The following SH3GL2 variants were observed in gnomAD, a reference collection of about 807,000 sequenced individuals.
The protein encoded by SH3GL2 is SH3 domain containing GRB2 like 2, endophilin A1.
Under a neutral mutation model 46.0 loss-of-function variants are expected in SH3GL2, and 24 were observed. The observed-to-expected ratio is 0.52, with a 90% CI of 0.38 to 0.73. SH3GL2 has a LOEUF of 0.73. Among genes scored for constraint, SH3GL2 ranks in the 30% least tolerant of loss-of-function variants. The pLI is 0.00. For missense variants in SH3GL2, 413 were observed against 424.2 expected (o/e 0.97, Z 0.23); for synonymous variants, 196 against 147.1 (o/e 1.33, Z -2.40).
intron 1 of SH3GL2, among the ~76,000 whole-genome samples, chr9:17,715,632 C>G (rs1480036754): frequency 6.6e-6 from 1 of 151,904 alleles, no homozygotes; most frequent in Non-Finnish European, 1.5e-5. Context: ...TTATCTCAGA[C>G]ATTGTATTTT....
intron 1 of SH3GL2, among the ~76,000 whole-genome samples, chr9:17,642,204 C>T (rs1463499923): frequency 1.3e-5 from 2 of 152,022 alleles, no homozygotes; most frequent in African/African-American, 2.4e-5. Flanking sequence ...TTCTATGGGG[C>T]TGTTTGTTTT....
chr9:17,665,629 G>A (rs530229202), intron 1 of SH3GL2, among the ~76,000 whole-genome samples: 6 of 151,926 alleles, frequency 3.9e-5, no homozygotes, highest in South Asian at 4.2e-4. Flanking sequence ...TAAGAGCCCC[G>A]TCAGCTTAAA....
At chr9:17,619,904 T>G (rs951149673) in intron 1 of SH3GL2, among the ~76,000 whole-genome samples, 1 of 152,142 alleles carries the variant, frequency 6.6e-6, no homozygotes, top group African/African-American at 2.4e-5. Context: ...TATTCTCTCA[T>G]TAGAATTCAT....
chr9:17,777,283 G>A (rs1349920518), intron 3 of SH3GL2, among the ~76,000 whole-genome samples: 2 of 152,068 alleles, frequency 1.3e-5, no homozygotes, highest in Non-Finnish European at 2.9e-5. Context: ...AACCCAGGTG[G>A]AATATTTATA....
chr9:17,793,820 G>A (rs10963272), intron 8 of SH3GL2, among the ~76,000 whole-genome samples: 24,694 of 152,124 alleles, frequency 0.16, 2,518 homozygotes, highest in Middle Eastern at 0.28. Context: ...TGTCAGTTTG[G>A]TCTGCGAGTG....
chr9:17,759,581 A>G (rs1402766900), intron 2 of SH3GL2, among the ~76,000 whole-genome samples: 1 of 152,158 alleles, frequency 6.6e-6, no homozygotes, highest in Non-Finnish European at 1.5e-5. Context: ...TATACATTAC[A>G]GAGTTTGTGA....
intron 3 of SH3GL2, among the ~76,000 whole-genome samples, chr9:17,763,695 C>G (rs1319129305): frequency 6.6e-6 from 1 of 152,166 alleles, no homozygotes; most frequent in Non-Finnish European, 1.5e-5. Context: ...TTTGAAATGA[C>G]AGCTCTAGAA....
chr9:17,631,301 T>C (rs1234042823), intron 1 of SH3GL2, among the ~76,000 whole-genome samples: 2 of 152,214 alleles, frequency 1.3e-5, no homozygotes. Context: ...GTTTTGAAGG[T>C]GCAGTTCTTG....
chr9:17,612,165 C>T (rs1184605117), intron 1 of SH3GL2, among the ~76,000 whole-genome samples: 2 of 152,084 alleles, frequency 1.3e-5, no homozygotes. Context: ...CCTGTCTGTC[C>T]TCTCTCTCTA....
intron 1 of SH3GL2, among the ~76,000 whole-genome samples, chr9:17,593,489 G>A (rs1156326600): frequency 6.6e-6 from 1 of 152,040 alleles, no homozygotes. Flanking sequence ...GTCTGTGCTG[G>A]GTATTTTGAG....
chr9:17,600,666 A>G (rs1818653703), intron 1 of SH3GL2, among the ~76,000 whole-genome samples: 2 of 152,224 alleles, frequency 1.3e-5, no homozygotes, highest in Non-Finnish European at 2.9e-5. Context: ...AACAGTTTTT[A>G]ATATTGAACA....
intron 1 of SH3GL2, among the ~76,000 whole-genome samples, chr9:17,743,615 A>G (rs1822596701): frequency 1.9e-5 from 2 of 105,004 alleles, no homozygotes; most frequent in South Asian, 6.4e-4. Context: ...AAATAGTTAA[A>G]GCCAATGGAT....
In SH3GL2 at chr9:17,735,760, G is replaced by A. The variant is rs1202880212; in HGVS notation, c.46-11306G>A. 4.1e-6 allele frequency: 4 copies of A among 981,188 alleles called. No individual in the cohort carries two copies. The African/African-American group carries it at 5.2e-5, about 13-fold the overall frequency. 60.8% of individuals were successfully genotyped at this position (981,188 alleles called of 1,614,324 possible). ...AGGAAATGGGAAGATAAAGCTGGCA[G>A]CTCTTTCCACACATGGAAAGCATAA... On this transcript the variant is annotated intron_variant, in intron 1 of 8. Coordinates refer to ENST00000380607, the MANE Select transcript of SH3GL2 (RefSeq NM_003026.5).
intron 3 of SH3GL2, among the ~76,000 whole-genome samples, chr9:17,777,768 A>C (rs559255216): frequency 6.6e-6 from 1 of 152,116 alleles, no homozygotes; most frequent in African/African-American, 2.4e-5. Flanking sequence ...TGACCTCCTG[A>C]CTTCCTTTAA....
chr9:17,669,875 T>C (rs967341854), intron 1 of SH3GL2, among the ~76,000 whole-genome samples: 3 of 152,116 alleles, frequency 2.0e-5, no homozygotes, highest in African/African-American at 4.8e-5. Flanking sequence ...GGGTGAAGTT[T>C]AGAGCAGAAA....
chr9:17,760,120 A>G (rs1215627646), intron 2 of SH3GL2, among the ~76,000 whole-genome samples: 7 of 152,166 alleles, frequency 4.6e-5, no homozygotes, highest in Non-Finnish European at 4.4e-5. Context: ...CCTGGTACAC[A>G]CTCAATCTTA....
chr9:17,687,596 T>C (rs1820954779), intron 1 of SH3GL2, among the ~76,000 whole-genome samples: 1 of 152,088 alleles, frequency 6.6e-6, no homozygotes, highest in African/African-American at 2.4e-5. Flanking sequence ...GTTCTAATGA[T>C]AAAAATCAGA....
At chr9:17,602,276 G>A (rs926709391) in intron 1 of SH3GL2, among the ~76,000 whole-genome samples, 1 of 152,144 alleles carries the variant, frequency 6.6e-6, no homozygotes, top group Non-Finnish European at 1.5e-5. Context: ...GGGGCTGCTG[G>A]GCTGTATTGG....
chr9:17,782,372 A>G (rs759191783), intron 3 of SH3GL2, among the ~76,000 whole-genome samples: 3 of 152,148 alleles, frequency 2.0e-5, no homozygotes, highest in South Asian at 2.1e-4. Context: ...GCAGATTTTC[A>G]TGGCATAATT....
Sources: allele counts gnomAD v4.1 joint callset (sites outside exome capture counted in the v4.1 genomes callset), GRCh38; gene constraint gnomAD v4.1.1; transcripts MANE v1.5; gene names NCBI Gene and HGNC (gene_info 2026-07-23, HGNC 2026-07-21).